CUX2: variants seen among roughly 807,000 people sequenced by gnomAD.
CUX2 encodes the protein cut like homeobox 2, also known as homeobox protein cut-like 2.
A neutral mutation model predicts 144.8 loss-of-function variants in CUX2; 40 were observed. The observed-to-expected ratio is 0.28, with a 90% confidence interval of 0.21 to 0.36. The LOEUF (loss-of-function observed/expected upper bound fraction) is 0.36. Ranked by LOEUF, CUX2 falls within the 10% of genes least tolerant of loss-of-function variation. The probability of loss-of-function intolerance (pLI) is 1.00; values close to 1 mark genes in which losing one functional copy is unlikely to be tolerated. For synonymous variants in CUX2, 827 were observed against 875.6 expected (o/e 0.94, Z 0.98); for missense variants, 1,615 against 1,994.0 (o/e 0.81, Z 3.62).
intron 18 of CUX2, 123 bp from the exon 19 acceptor site, chr12:111,334,318 A>T: frequency 9.8e-7 from 1 of 1,022,744 alleles, no homozygotes; most frequent in Non-Finnish European, 1.4e-6. Flanking sequence ...CTGAGCGATT[A>T]TTACTACAGT....
At chr12:111,230,875 CAG>C (rs1882430960) in intron 3 of CUX2, among the ~76,000 whole-genome samples, 1 of 152,140 alleles carries the variant, frequency 6.6e-6, no homozygotes, top group African/African-American at 2.4e-5. Flanking sequence ...ATGTCGTTGA[CAG>C]GGGGCTGGGA....
chr12:111,100,763 G>T (rs1873176076), intron 1 of CUX2, among the ~76,000 whole-genome samples: 1 of 152,234 alleles, frequency 6.6e-6, no homozygotes, highest in South Asian at 2.1e-4. Context: ...GGTGTGAGCA[G>T]TGCTCATGTG....
chr12:111,045,068 C>G (rs1019416999), intron 1 of CUX2, among the ~76,000 whole-genome samples: 2 of 152,202 alleles, frequency 1.3e-5, no homozygotes, highest in Non-Finnish European at 2.9e-5. Context: ...AGATGGCTGT[C>G]ATCCAGGACA....
intron 1 of CUX2, among the ~76,000 whole-genome samples, chr12:111,184,827 G>A: frequency 6.6e-6 from 1 of 152,152 alleles, no homozygotes; most frequent in Middle Eastern, 3.2e-3. Flanking sequence ...ACTGTGGGAG[G>A]CCGAGGCGGG....
intron 8 of CUX2, among the ~76,000 whole-genome samples, chr12:111,297,942 C>G (rs549020565): frequency 5.3e-4 from 81 of 152,200 alleles, no homozygotes; most frequent in African/African-American, 1.9e-3. Context: ...GAGGAGGTGG[C>G]TTTCAGAATG....
At chr12:111,126,432 A>G (rs923094381) in intron 1 of CUX2, among the ~76,000 whole-genome samples, 3 of 152,218 alleles carry the variant, frequency 2.0e-5, no homozygotes, top group African/African-American at 4.8e-5. Context: ...GAGACCCAGG[A>G]GAGCTGATGG....
At chr12:111,064,099 C>G (rs1003441630) in intron 1 of CUX2, among the ~76,000 whole-genome samples, 8 of 152,132 alleles carry the variant, frequency 5.3e-5, no homozygotes, top group Admixed American at 1.3e-4. Flanking sequence ...GTAGAAGGAG[C>G]CTTGTGTTTC....
chr12:111,305,677 T>C (rs1392118445), intron 10 of CUX2, among the ~76,000 whole-genome samples: 1 of 151,060 alleles, frequency 6.6e-6, no homozygotes, highest in African/African-American at 2.4e-5. Context: ...AAAAAAAAAA[T>C]GGATTATGTG....
intron 4 of CUX2, among the ~76,000 whole-genome samples, chr12:111,283,095 G>A (rs927923365): frequency 6.6e-6 from 1 of 152,100 alleles, no homozygotes; most frequent in South Asian, 2.1e-4. Flanking sequence ...GCGCATGCCT[G>A]TAATCTCATC....
At chr12:111,281,980 T>C (rs1323910633) in intron 4 of CUX2, among the ~76,000 whole-genome samples, 1 of 152,038 alleles carries the variant, frequency 6.6e-6, no homozygotes, top group Non-Finnish European at 1.5e-5. Context: ...GCCAGGGTGG[T>C]GGGGAGTTTC....
rs114322188 is a variant in CUX2, at chr12:111,178,886, G to A, written c.64-35314G>A. 1.7e-3 allele frequency among the ~76,000 whole-genome samples: 259 copies of A among 152,286 alleles called. 1 individual carries two copies. Among genetic ancestry groups the A allele is most frequent in the African/African-American group, 5.8e-3 (243 of 41,552 alleles). ...GTGTGCATGTGCCAGGTCCAGGAGCGTGTCTGGACTCTGTAACGGGGAATG... is the reference window on the plus strand; with the variant it reads ...GTGTGCATGTGCCAGGTCCAGGAGCATGTCTGGACTCTGTAACGGGGAATG... On this transcript the variant is annotated intron_variant, in intron 1 of 21. Coordinates refer to ENST00000261726, the MANE Select transcript of CUX2 (RefSeq NM_015267.4). The surrounding 1 kb of genome is among the most constrained non-coding windows in gnomAD (Gnocchi z 5.7).
At chr12:111,099,958 G>A (rs1443381478) in intron 1 of CUX2, 4 of 457,314 alleles carry the variant, frequency 8.7e-6, no homozygotes, top group Non-Finnish European at 1.8e-5. Flanking sequence ...TCAGAGTCCT[G>A]TGGGAAGGGA....
intron 3 of CUX2, among the ~76,000 whole-genome samples, chr12:111,225,633 G>A (rs1882097051): frequency 6.6e-6 from 1 of 152,182 alleles, no homozygotes; most frequent in Admixed American, 6.5e-5. Flanking sequence ...TGAGGGGTCT[G>A]GGGGTGCAGA....
intron 1 of CUX2, among the ~76,000 whole-genome samples, chr12:111,126,244 G>C (rs1457582798): frequency 6.6e-6 from 1 of 152,076 alleles, no homozygotes; most frequent in Non-Finnish European, 1.5e-5. Flanking sequence ...TAGTAGCTGG[G>C]ATTACAGGCA....
At chr12:111,329,689 G>C (rs962048301) in intron 18 of CUX2, among the ~76,000 whole-genome samples, 2 of 152,208 alleles carry the variant, frequency 1.3e-5, no homozygotes, top group African/African-American at 4.8e-5. Context: ...AGGCTGGAGT[G>C]CAGTGGCGCA....
chr12:111,113,820 G>A (rs902101488), intron 1 of CUX2, among the ~76,000 whole-genome samples: 2 of 152,234 alleles, frequency 1.3e-5, no homozygotes, highest in Non-Finnish European at 2.9e-5. Flanking sequence ...GCTTCCCAAA[G>A]TGCAGGGATT....
intron 1 of CUX2, among the ~76,000 whole-genome samples, chr12:111,164,468 T>C (rs1187430445): frequency 2.0e-5 from 3 of 151,648 alleles, no homozygotes. Context: ...CCCAGCTACT[T>C]GGGAGGCTGA....
At chr12:111,058,181 A>G (rs1259978203) in intron 1 of CUX2, among the ~76,000 whole-genome samples, 1 of 152,224 alleles carries the variant, frequency 6.6e-6, no homozygotes, top group East Asian at 1.9e-4. Context: ...TAATTTATCA[A>G]ATGAATTTTG....
Position 111,034,881 on chromosome 12 carries a change from A to AGCC in CUX2, c.63+652_63+654dup, listed in dbSNP as rs1266183319. ...CGGGGGCCGCCGCCGCCGCCGCCAGAGCCGCCGCCGCCGGACTGGCCGCAA... is the reference window on the plus strand; with the variant it reads ...CGGGGGCCGCCGCCGCCGCCGCCAGAGCCGCCGCCGCCGCCGGACTGGCCGCAA... On this transcript the variant is annotated intron_variant, in intron 1 of 21. Coordinates refer to ENST00000261726, the MANE Select transcript of CUX2 (RefSeq NM_015267.4). This position sits in a 1 kb window ranked among gnomAD's most constrained non-coding sequence, Gnocchi z 4.2. Among the ~76,000 whole-genome samples, 4 of 149,614 alleles carry AGCC rather than the reference A, an allele frequency of 2.7e-5. No individual in the cohort carries two copies. Among genetic ancestry groups the AGCC allele is most frequent in the Non-Finnish European group, 5.9e-5 (4 of 67,236 alleles).
Sources: gnomAD v4.1 joint callset for allele counts (sites outside exome capture counted in the v4.1 genomes callset) on GRCh38, gnomAD v4.1.1 for gene constraint, Gnocchi (gnomAD v3.1) non-coding constraint, MANE v1.5 for transcripts, NCBI Gene and HGNC (gene_info 2026-07-23, HGNC 2026-07-21) for gene names.